DIAPH2: variants seen among roughly 807,000 people sequenced by gnomAD.
DIAPH2 encodes protein diaphanous homolog 2.
DIAPH2 carries 35 observed loss-of-function variants against 92.7 expected under a neutral mutation model. The ratio of observed to expected loss-of-function variants is 0.38; its 90% CI spans 0.29 to 0.50. DIAPH2 has a LOEUF of 0.50. Ranked by LOEUF, DIAPH2 falls within the 20% of genes least tolerant of loss-of-function variation. The probability of loss-of-function intolerance (pLI) is 0.94; values close to 1 mark genes in which losing one functional copy is unlikely to be tolerated. For missense variants in DIAPH2, 701 were observed against 819.5 expected (o/e 0.86, Z 1.77); for synonymous variants, 301 against 280.4 (o/e 1.07, Z -0.73).
chrX:96,977,447 GA>G (rs1320223203), intron 17 of DIAPH2, among the ~76,000 whole-genome samples: 1 of 111,305 alleles, frequency 9.0e-6, no homozygotes, highest in African/African-American at 3.3e-5. Context: ...ATAAAGTAAT[GA>G]AATCAATTTT....
At chrX:97,533,490 C>A (rs920828318) in intron 26 of DIAPH2, 17 of 110,753 alleles carry the variant, frequency 1.5e-4, no homozygotes, top group African/African-American at 5.6e-4. Flanking sequence ...TTTGTATTTA[C>A]CTCATGATTA....
chrX:97,266,627 G>A (rs772745170), intron 23 of DIAPH2, among the ~76,000 whole-genome samples: 35 of 111,836 alleles, frequency 3.1e-4, no homozygotes, highest in Admixed American at 9.5e-5. Context: ...AAGTGGGGTG[G>A]GAGTAAAAGA....
chrX:96,699,024 C>T (rs747867130), intron 1 of DIAPH2, among the ~76,000 whole-genome samples: 28 of 110,738 alleles, frequency 2.5e-4, no homozygotes, highest in Admixed American at 5.8e-4. Context: ...AGCCACCACA[C>T]CTGGCTTGAT....
At chrX:96,820,873 G>A (rs55987002) in intron 4 of DIAPH2, among the ~76,000 whole-genome samples, 6,372 of 111,768 alleles carry the variant, frequency 0.057, 204 homozygotes, top group Middle Eastern at 0.17. Context: ...CCTTTATAGC[G>A]ATACTTAGAA....
chrX:96,932,427 C>G (rs1436622281), intron 10 of DIAPH2, among the ~76,000 whole-genome samples: 5 of 110,564 alleles, frequency 4.5e-5, no homozygotes, highest in Non-Finnish European at 9.5e-5. Context: ...GGTATTGTAG[C>G]TCTTGTCCTT....
At chrX:97,169,245 T>C (rs1185779664) in intron 22 of DIAPH2, among the ~76,000 whole-genome samples, 1 of 111,491 alleles carries the variant, frequency 9.0e-6, no homozygotes, top group Non-Finnish European at 1.9e-5. Context: ...TCCAGATAAC[T>C]AGAATGGAGT....
chrX:96,975,345 G>A (rs1473817029), intron 17 of DIAPH2, among the ~76,000 whole-genome samples: 1 of 111,881 alleles, frequency 8.9e-6, no homozygotes, highest in Non-Finnish European at 1.9e-5. Context: ...GTGGTAAAGT[G>A]TAATTCATCT....
At chrX:97,457,540 T>C (rs1485231001) in intron 26 of DIAPH2, among the ~76,000 whole-genome samples, 2 of 112,041 alleles carry the variant, frequency 1.8e-5, no homozygotes, top group Non-Finnish European at 3.8e-5. Context: ...GCAGCTTAGC[T>C]GAGTGATCGT....
intron 24 of DIAPH2, among the ~76,000 whole-genome samples, chrX:97,363,336 A>G: frequency 9.0e-6 from 1 of 111,241 alleles, no homozygotes; most frequent in Non-Finnish European, 1.9e-5. Flanking sequence ...AAGAGAAAAC[A>G]AAGCAAAACA....
intron 21 of DIAPH2, among the ~76,000 whole-genome samples, chrX:97,117,113 C>T (rs1348430909): frequency 9.1e-6 from 1 of 109,657 alleles, no homozygotes; most frequent in Admixed American, 9.7e-5. Context: ...CCCCAACTCA[C>T]CCCCCACTTT....
chrX:97,255,992 A>G (rs1444926219), intron 23 of DIAPH2, among the ~76,000 whole-genome samples: 2 of 112,181 alleles, frequency 1.8e-5, no homozygotes, highest in Admixed American at 1.9e-4. Context: ...TAAAGGATAC[A>G]TAAACCCTTT....
chrX:97,431,939 T>C (rs2070130790), intron 26 of DIAPH2, among the ~76,000 whole-genome samples: 1 of 112,009 alleles, frequency 8.9e-6, no homozygotes, highest in African/African-American at 3.2e-5. Context: ...TCCCGTTATT[T>C]TTACTTTCTT....
Position 97,603,321 on chromosome X carries a change from A to G in DIAPH2, c.*4004A>G, listed in dbSNP as rs966053651. On this transcript the variant is annotated 3_prime_UTR_variant, in exon 27 of 27. Transcript: ENST00000324765. Reference sequence around the variant, plus strand: ...CACCCAGGCTGCAGTGTAGTGGTGCAAACATAGCTCCCTGTAACCTCAAAC... The same window carrying G: ...CACCCAGGCTGCAGTGTAGTGGTGCGAACATAGCTCCCTGTAACCTCAAAC... 1.8e-5 allele frequency: 2 copies of G among 110,571 alleles called. No individual in the cohort carries two copies. Among genetic ancestry groups the G allele is most frequent in the Non-Finnish European group, 3.8e-5 (2 of 52,899 alleles). 9.1% of individuals were successfully genotyped at this position (110,571 alleles called of 1,213,427 possible).
intron 19 of DIAPH2, among the ~76,000 whole-genome samples, chrX:97,078,740 C>T (rs1346098421): frequency 9.1e-6 from 1 of 109,565 alleles, no homozygotes; most frequent in Non-Finnish European, 1.9e-5. Flanking sequence ...TTATTTTATC[C>T]TGATATAGAG....
chrX:97,175,161 G>A (rs1318460221), intron 22 of DIAPH2, among the ~76,000 whole-genome samples: 6 of 111,891 alleles, frequency 5.4e-5, no homozygotes, highest in Non-Finnish European at 9.4e-5. Flanking sequence ...AATAGATTAG[G>A]AAAATAGTTA....
At chrX:97,233,287 T>A (rs776256668) in intron 22 of DIAPH2, among the ~76,000 whole-genome samples, 1 of 112,749 alleles carries the variant, frequency 8.9e-6, no homozygotes, top group African/African-American at 3.2e-5. Context: ...AGCATGTTGG[T>A]TAAGAACACA....
chrX:97,554,345 T>A (rs2071242885), intron 26 of DIAPH2, among the ~76,000 whole-genome samples: 1 of 112,374 alleles, frequency 8.9e-6, no homozygotes, highest in Non-Finnish European at 1.9e-5. Flanking sequence ...ATATAAAGCT[T>A]TGTAACTATC....
At chrX:97,553,855 C>T (rs1452671195) in intron 26 of DIAPH2, among the ~76,000 whole-genome samples, 2 of 110,752 alleles carry the variant, frequency 1.8e-5, no homozygotes, top group Non-Finnish European at 3.8e-5. Context: ...CACTATCAGG[C>T]TTGATGTGAT....
intron 5 of DIAPH2, among the ~76,000 whole-genome samples, chrX:96,894,855 C>T (rs2065332121): frequency 9.0e-6 from 1 of 110,585 alleles, no homozygotes; most frequent in African/African-American, 3.3e-5. Context: ...AAGTATTCAC[C>T]TTATTGCATT....
Sources: gnomAD v4.1 joint callset for allele counts (sites outside exome capture counted in the v4.1 genomes callset) on GRCh38, gnomAD v4.1.1 for gene constraint, MANE v1.5 for transcripts, NCBI Gene and HGNC (gene_info 2026-07-23, HGNC 2026-07-21) for gene names.